GLCE: variants seen among roughly 807,000 people sequenced by gnomAD.
The protein encoded by GLCE is D-glucuronyl C5-epimerase.
GLCE carries 19 observed loss-of-function variants against 47.9 expected under a neutral mutation model. The ratio of observed to expected loss-of-function variants is 0.40; its 90% CI spans 0.28 to 0.58. The LOEUF is 0.58. Ranked by LOEUF, GLCE falls within the 20% of genes least tolerant of loss-of-function variation. The probability of loss-of-function intolerance (pLI) is 0.48; values close to 1 mark genes in which losing one functional copy is unlikely to be tolerated. For missense variants in GLCE, 556 were observed against 743.3 expected (o/e 0.75, Z 2.93); for synonymous variants, 245 against 263.4 (o/e 0.93, Z 0.68).
intron 1 of GLCE, among the ~76,000 whole-genome samples, chr15:69,182,920 T>G (rs1441477456): frequency 3.3e-5 from 5 of 151,678 alleles, no homozygotes; most frequent in Non-Finnish European, 5.9e-5. Context: ...GAGGCTGAGG[T>G]GGGAGGATCA....
At chr15:69,202,737 A>G (rs572307217) in intron 1 of GLCE, among the ~76,000 whole-genome samples, 1 of 152,260 alleles carries the variant, frequency 6.6e-6, no homozygotes, top group East Asian at 1.9e-4. Flanking sequence ...GTGGTTAAAT[A>G]TACTTGTAAC....
chr15:69,200,845 A>G (rs976037845), intron 1 of GLCE, among the ~76,000 whole-genome samples: 3 of 152,172 alleles, frequency 2.0e-5, no homozygotes, highest in African/African-American at 7.2e-5. Context: ...GGTTAAAATA[A>G]AAATTTCAGC....
Position 69,216,135 on chromosome 15 carries a change from G to A in GLCE, c.-14+5729G>A. ...TTGTCTAAAGCTAGATTGCATCGTA[G>A]GAATCTATCCAAAGATTACATCTGT... On this transcript the variant is annotated intron_variant, in intron 2 of 4. Transcript: ENST00000261858. Among the ~76,000 whole-genome samples, 2 of 152,070 alleles carry A rather than the reference G, an allele frequency of 1.3e-5. 1 individual carries two copies. The highest frequency in any genetic ancestry group is 2.9e-5 in the Non-Finnish European group (2 of 67,966).
chr15:69,245,663 C>G (rs1453076755), intron 2 of GLCE, among the ~76,000 whole-genome samples: 4 of 152,144 alleles, frequency 2.6e-5, no homozygotes, highest in Non-Finnish European at 5.9e-5. Flanking sequence ...TCCTCCCAAA[C>G]CCTGCTGTTG....
At chr15:69,186,199 C>T (rs1382140885) in intron 1 of GLCE, among the ~76,000 whole-genome samples, 3 of 152,062 alleles carry the variant, frequency 2.0e-5, no homozygotes, top group Non-Finnish European at 4.4e-5. Context: ...AACATTCCTT[C>T]CTCCAGGGTA....
intron 2 of GLCE, among the ~76,000 whole-genome samples, chr15:69,218,150 A>AC (rs1870809803): frequency 9.8e-6 from 1 of 101,748 alleles, no homozygotes; most frequent in Middle Eastern, 4.0e-3. Context: ...AGACTGTCTC[A>AC]AAAAAAAAAA....
intron 1 of GLCE, among the ~76,000 whole-genome samples, chr15:69,175,569 T>G (rs1266694723): frequency 6.6e-6 from 1 of 152,218 alleles, no homozygotes; most frequent in African/African-American, 2.4e-5. Flanking sequence ...ATTGAGCTGT[T>G]GATGAAGTTA....
At chr15:69,249,676 C>A (rs1402928718) in intron 2 of GLCE, among the ~76,000 whole-genome samples, 2 of 152,098 alleles carry the variant, frequency 1.3e-5, no homozygotes, top group African/African-American at 2.4e-5. Context: ...ATTTAAAAAA[C>A]CTATTGAAAG....
At chr15:69,262,750 A>G (rs143506914) in intron 4 of GLCE, among the ~76,000 whole-genome samples, 23 of 152,268 alleles carry the variant, frequency 1.5e-4, no homozygotes, top group African/African-American at 5.3e-4. Flanking sequence ...TATAGAGGAG[A>G]GAACTCTGTC....
chr15:69,269,384 A>AC lies in GLCE; in HGVS notation c.*142dup. The AC allele has an allele frequency of 1.5e-6, 1 of 672,274 alleles. No homozygotes were observed. Among genetic ancestry groups the AC allele is most frequent in the Non-Finnish European group, 2.5e-6 (1 of 396,812 alleles). The allele number at this position is 672,274 out of a possible 1,614,324, so 41.6% of individuals were successfully genotyped here. On this transcript the variant is annotated 3_prime_UTR_variant, in exon 5 of 5. Transcript: ENST00000261858. The stretch of plus-strand genomic sequence containing the variant: ...ATCAAAGTGATAAGTGATCCTTAAA[A>AC]CCAGCCTTCTAAAATAATTGCATTC...
At chr15:69,264,317 G>A (rs1432979528) in intron 4 of GLCE, among the ~76,000 whole-genome samples, 2 of 152,110 alleles carry the variant, frequency 1.3e-5, no homozygotes, top group African/African-American at 4.8e-5. Context: ...GTCACAAACG[G>A]CAGGATTTCC....
intron 2 of GLCE, among the ~76,000 whole-genome samples, chr15:69,211,951 G>T (rs1487973161): frequency 6.6e-6 from 1 of 151,958 alleles, no homozygotes; most frequent in African/African-American, 2.4e-5. Context: ...CTTTTTAAAG[G>T]AGGGAATCTG....
intron 2 of GLCE, among the ~76,000 whole-genome samples, chr15:69,239,909 G>T (rs986317698): frequency 6.6e-6 from 1 of 152,060 alleles, no homozygotes; most frequent in Admixed American, 6.6e-5. Context: ...ACATTAAGAA[G>T]GTCTGATAGA....
At chr15:69,267,610 G>T (rs2053103579) in intron 4 of GLCE, among the ~76,000 whole-genome samples, 1 of 152,024 alleles carries the variant, frequency 6.6e-6, no homozygotes, top group East Asian at 1.9e-4. Flanking sequence ...AGGCAACCTG[G>T]GTTCAAGTCT....
intron 2 of GLCE, among the ~76,000 whole-genome samples, chr15:69,245,548 G>A (rs959157055): frequency 3.3e-5 from 5 of 152,032 alleles, no homozygotes; most frequent in Non-Finnish European, 5.9e-5. Flanking sequence ...GATGAAGTTT[G>A]CCACATAGAA....
chr15:69,197,746 G>A (rs2052015303), intron 1 of GLCE, among the ~76,000 whole-genome samples: 1 of 152,172 alleles, frequency 6.6e-6, no homozygotes, highest in African/African-American at 2.4e-5. Flanking sequence ...AATGGGAGAT[G>A]TGGAGACAGT....
Position 69,161,393 on chromosome 15 carries a change from G to A in GLCE, c.-105+636G>A, listed in dbSNP as rs75796500. ...GCTGGGGCCGGGGCCGCCTTGGGGG[G>A]TTGTTGGGGGCTGAGGGTGTGTAGC... On this transcript the variant is annotated intron_variant, in intron 1 of 4. Coordinates refer to ENST00000261858, the MANE Select transcript of GLCE (RefSeq NM_015554.3). Among the ~76,000 whole-genome samples the A allele has an allele frequency of 9.1e-3, 1,389 of 152,042 alleles. 15 individuals carry two copies. Among genetic ancestry groups the A allele is most frequent in the African/African-American group, 0.031 (1,301 of 41,472 alleles).
intron 2 of GLCE, among the ~76,000 whole-genome samples, chr15:69,238,330 A>G (rs1480496460): frequency 1.3e-5 from 2 of 152,308 alleles, no homozygotes; most frequent in East Asian, 3.9e-4. Flanking sequence ...CTTCAAAGCC[A>G]GATTAAATCT....
At chr15:69,233,700 A>T (rs1426073429) in intron 2 of GLCE, among the ~76,000 whole-genome samples, 1 of 152,194 alleles carries the variant, frequency 6.6e-6, no homozygotes, top group African/African-American at 2.4e-5. Flanking sequence ...ACCCTATTAG[A>T]CTGTTTAGGG....
Sources: allele counts gnomAD v4.1 joint callset (sites outside exome capture counted in the v4.1 genomes callset), GRCh38; gene constraint gnomAD v4.1.1; transcripts MANE v1.5; gene names NCBI Gene and HGNC (gene_info 2026-07-23, HGNC 2026-07-21).